The following TTN variants were observed in gnomAD, a reference collection of about 807,000 sequenced individuals.
TTN encodes the protein connectin.
A neutral mutation model predicts 3,223.0 loss-of-function variants in TTN; 1,525 were observed. That is an observed-to-expected ratio of 0.47 (90% CI 0.45 to 0.49). The LOEUF (loss-of-function observed/expected upper bound fraction) is 0.49, where lower values mean the gene tolerates loss of function less well. Among genes scored for constraint, TTN ranks in the 20% least tolerant of loss-of-function variants. The pLI is 0.00. For synonymous variants in TTN, 14,094 were observed against 15,161.0 expected (o/e 0.93, Z 5.17); for missense variants, 40,786 against 43,424.0 (o/e 0.94, Z 5.40).
intron 82 of TTN, 22 bp from the exon 83 acceptor site, chr2:178,719,473 T>C (rs776843184): frequency 1.3e-6 from 2 of 1,599,740 alleles, no homozygotes; most frequent in Non-Finnish European, 1.7e-6. Flanking sequence ...AGGGTAGTTT[T>C]GCGTTTAAAG....
At position 178,694,844 on chromosome 2, in the gene TTN, C is replaced by A. The variant is rs576879014; in HGVS notation, c.31333G>T (p.Val10445Phe). The A allele has an allele frequency of 2.6e-6, 4 of 1,558,582 alleles. No individual in the cohort carries two copies. In the East Asian group the frequency reaches 7.1e-5, roughly 28 times the overall value. The change falls in exon 116 of 363, where the codon GTT (valine) becomes TTT (phenylalanine). Residue 10445 changes from valine (V) to phenylalanine (F), a missense_variant. By Grantham distance (50) the Val-to-Phe change is conservative. Transcript: ENST00000589042. ...TAAATAATACCTTTGGTGACTTGAA[C>A]TTTTTCTTCCTCCATTCTTCGAGAA... ...KTSRRMEEEK[V>F]QVTKVPEVSK...
At chr2:178,546,944 C>CT (rs746910430) in intron 340 of TTN, 39 bp from the exon 341 acceptor site, 11 of 1,578,098 alleles carry the variant, frequency 7.0e-6, no homozygotes, top group Non-Finnish European at 9.5e-6. Flanking sequence ...ATATACCACT[C>CT]TGAGTTCTAC....
chr2:178,685,462 C>T, intron 128 of TTN, 56 bp downstream of exon 128: 2 of 1,542,292 alleles, frequency 1.3e-6, no homozygotes, highest in Non-Finnish European at 1.8e-6. Context: ...TATAAGGAAA[C>T]ATAAAGAAGG....
At chr2:178,753,042 TACTAAGAGAAAGA>T in intron 47 of TTN, 69 bp downstream of exon 47, 4 of 1,128,304 alleles carry the variant, frequency 3.5e-6, no homozygotes, top group Non-Finnish European at 5.3e-6. Flanking sequence ...TTCTCAATAA[TACTAAGAGAAAGA>T]AGGCAACTCA....
chr2:178,677,664 T>C lies in TTN; in HGVS notation c.34248A>G (p.Glu11416=), dbSNP rs780920687. The change falls in exon 146 of 363, where the codon GAA becomes GAG. Residue 11416 remains glutamate (E), a synonymous_variant. Coordinates refer to ENST00000589042, the MANE Select transcript of TTN (RefSeq NM_001267550.2). ...PEEEEFVPEE[E]VLPEVKPKVP... ...CCTTAGGTTTAACTTCTGGAAGGAC[T>C]TCTTCTTCAGGTACAAATTCTTCTT... is the stretch of plus-strand genomic sequence containing the variant. 13 of 1,608,748 alleles carry C rather than the reference T, an allele frequency of 8.1e-6. No homozygotes were observed. The highest frequency in any genetic ancestry group is 1.3e-5 in the African/African-American group (1 of 74,742).
rs114331773 is a variant in TTN, at chr2:178,621,618, T to A, written c.45206A>T (p.Glu15069Val). ...TTCATATCTTCCTGTTTCAATGATC[T>A]CCTCATCCCCTTTATACCAAATCAC... ...AEVIWYKGDE[E>V]IIETGRYEIL... The change falls in exon 245 of 363, where the codon GAG becomes GTG. Residue 15069 changes from glutamate (E) to valine (V), a missense_variant. Glu to Val is a moderately radical substitution (Grantham distance 121). Coordinates refer to ENST00000589042, the MANE Select transcript of TTN (RefSeq NM_001267550.2). 3.8e-3 allele frequency: 6,122 copies of A among 1,612,528 alleles called. 123 individuals are homozygous for A. The African/African-American group carries it at 0.056, about 15-fold the overall frequency.
chr2:178,711,809 T>C (rs981867114), intron 96 of TTN, 135 bp downstream of exon 96: 44 of 973,030 alleles, frequency 4.5e-5, no homozygotes, highest in Non-Finnish European at 6.1e-5. Flanking sequence ...GATAAGCCAC[T>C]AACTGTAAAT....
intron 284 of TTN, 27 bp downstream of exon 284, chr2:178,601,975 A>G (rs376978428): frequency 3.7e-6 from 6 of 1,612,728 alleles, no homozygotes. Context: ...TTCAGTGGAA[A>G]AAAGAGGAGA....
In TTN at chr2:178,800,570, C is replaced by T; in HGVS notation, c.408G>A (p.Lys136=). The change falls in exon 4 of 363, where the codon AAG becomes AAA. Residue 136 remains lysine (K), a synonymous_variant. Transcript: ENST00000589042. ...GGATTTCGGCTCCATCCCGGTAGAACTTCACCACAGGTGTAGGGATTCCAG... is the reference window on the plus strand; with the variant it reads ...GGATTTCGGCTCCATCCCGGTAGAATTTCACCACAGGTGTAGGGATTCCAG... The part of the protein sequence containing the change: ...RVTGIPTPVV[K]FYRDGAEIQS... 1 of 1,614,106 alleles carries T rather than the reference C, an allele frequency of 6.2e-7. No homozygotes were observed. Among genetic ancestry groups the T allele is most frequent in the Admixed American group, 1.7e-5 (1 of 60,020 alleles).
At position 178,735,579 on chromosome 2, in the gene TTN, C is replaced by T. The variant is rs747180511; in HGVS notation, c.14867G>A (p.Gly4956Glu). The change falls in exon 50 of 363, where the codon GGA becomes GAA. Residue 4956 changes from glycine (G) to glutamate (E), a missense_variant. By Grantham distance (98) the Gly-to-Glu change is moderately conservative. Coordinates refer to ENST00000589042, the MANE Select transcript of TTN (RefSeq NM_001267550.2). ...EIPLAKLKDS[G>E]TYVCTASNEA... ...ATTTGAAGCTGTACAGACATAGGTT[C>T]CTGAATCTTTCAGTTTGGCCAAAGG... 17 of 1,613,034 alleles carry T rather than the reference C, an allele frequency of 1.1e-5. No individual in the cohort carries two copies. The highest frequency in any genetic ancestry group is 2.2e-5 in the South Asian group (2 of 90,932).
intron 330 of TTN, 45 bp downstream of exon 330, chr2:178,556,803 C>G (rs1701690225): frequency 6.2e-7 from 1 of 1,601,004 alleles, no homozygotes; most frequent in Non-Finnish European, 8.5e-7. Context: ...TGCGGAAATA[C>G]TGAGTTAAAT....
chr2:178,712,103 T>G lies in TTN; in HGVS notation c.27727A>C (p.Thr9243Pro). 1 of 1,613,798 alleles carries G rather than the reference T, an allele frequency of 6.2e-7. No homozygotes were observed. Among genetic ancestry groups the G allele is most frequent in the Non-Finnish European group, 8.5e-7 (1 of 1,179,780 alleles). The change falls in exon 96 of 363, where the codon ACA (threonine) becomes CCA (proline). Residue 9243 changes from threonine to proline, a missense_variant. Thr to Pro is a conservative substitution (Grantham distance 38). Transcript: ENST00000589042. ...TAAGTCGTAGTGGGTCTCAATTTTG[T>G]ATCTCCTTTATACCAGGATACCCCA... ...EIGVSWYKGD[T>P]KLRPTTTYKM...
intron 46 of TTN, among the ~76,000 whole-genome samples, chr2:178,755,408 T>G (rs1329876398): frequency 6.6e-6 from 1 of 152,104 alleles, no homozygotes; most frequent in Non-Finnish European, 1.5e-5. Context: ...GAGAGAGCTT[T>G]GTTATTTTCA....
chr2:178,551,663 G>A lies in TTN; in HGVS notation c.91237C>T (p.Pro30413Ser). 1 of 1,599,888 alleles carries A rather than the reference G, an allele frequency of 6.3e-7. No homozygotes were observed. Among genetic ancestry groups the A allele is most frequent in the Non-Finnish European group, 8.5e-7 (1 of 1,171,508 alleles). ...GAAACAGCTAAGGTAAATTTGCTTG[G>A]GTCACTAGGTGAGCTTAGGCCAGCA... ...NSAGLSSPSD[P>S]SKFTLAVSPV... The change falls in exon 335 of 363, where the codon CCA (proline) becomes TCA (serine). Residue 30413 changes from proline (P) to serine (S), a missense_variant. Physicochemically the swap from Pro to Ser is moderately conservative, Grantham distance 74. Coordinates refer to ENST00000589042, the MANE Select transcript of TTN (RefSeq NM_001267550.2).
Position 178,618,597 on chromosome 2 carries a change from A to G in TTN, c.46953T>C (p.Asn15651=), listed in dbSNP as rs1559852611. 3 of 1,611,744 alleles carry G rather than the reference A, an allele frequency of 1.9e-6. No homozygotes were observed. Among genetic ancestry groups the G allele is most frequent in the Non-Finnish European group, 2.5e-6 (3 of 1,178,966 alleles). The part of the protein sequence containing the change: ...NKHGKAEGFI[N]LKVIDVPGPV... ...CCAAGGGCTTACCAATAACTTTTAA[A>G]TTGATGAATCCTTCTGCTTTTCCAT... The change falls in exon 251 of 363, where the codon AAT becomes AAC. Residue 15651 remains asparagine (N), a synonymous_variant. Coordinates refer to ENST00000589042, the MANE Select transcript of TTN (RefSeq NM_001267550.2).
intron 250 of TTN, 199 bp downstream of exon 250, chr2:178,619,422 G>T: frequency 1.6e-6 from 1 of 624,056 alleles, no homozygotes; most frequent in Admixed American, 3.2e-5. Flanking sequence ...CAAGGCTCTG[G>T]CATGTAAAGA....
chr2:178,623,530 T>C (rs1207195133), intron 242 of TTN, among the ~76,000 whole-genome samples: 1 of 151,930 alleles, frequency 6.6e-6, no homozygotes, highest in Non-Finnish European at 1.5e-5. Context: ...TGCTGTCTAA[T>C]AGGTTTGAAA....
rs397517731 is a variant in TTN, at chr2:178,561,092, A to C, written c.85040T>G (p.Ile28347Arg). 3 of 1,613,780 alleles carry C rather than the reference A, an allele frequency of 1.9e-6. No individual in the cohort carries two copies. The Admixed American group carries it at 5.0e-5, about 27-fold the overall frequency. The change falls in exon 326 of 363, where the codon ATA (isoleucine) becomes AGA (arginine). Residue 28347 changes from isoleucine to arginine, a missense_variant. Ile to Arg is a moderately conservative substitution (Grantham distance 97). Transcript: ENST00000589042. ...SEPSESTGPI[I>R]VKDDVEPPRV... ...TGGAGGCTCAACATCATCTTTAACT[A>C]TAATAGGCCCAGTGGATTCAGATGG...
rs760161935 is a variant in TTN at position 178,685,489 on chromosome 2, G to C, written c.32392+29C>G. On this transcript the variant is annotated intron_variant, in intron 128 of 362. Transcript: ENST00000589042. ...TAAAGAAGGAGACAAGCTAACATAG[G>C]GATAAAACTAATTAAAGAGTCAGCA... The C allele has an allele frequency of 1.8e-5, 29 of 1,593,194 alleles. No homozygotes were observed. The Admixed American group carries it at 2.1e-4, about 11-fold the overall frequency.
Sources: allele counts gnomAD v4.1 joint callset (sites outside exome capture counted in the v4.1 genomes callset), GRCh38; gene constraint gnomAD v4.1.1; transcripts MANE v1.5; gene names NCBI Gene and HGNC (gene_info 2026-07-23, HGNC 2026-07-21).